The following SLC14A2 variants were observed in gnomAD, a reference collection of about 807,000 sequenced individuals.
SLC14A2 encodes the protein solute carrier family 14 member 2, also known as urea transporter 2.
SLC14A2 carries 91 observed loss-of-function variants against 104.6 expected under a neutral mutation model. The ratio of observed to expected loss-of-function variants is 0.87; its 90% confidence interval spans 0.73 to 1.04. The LOEUF (loss-of-function observed/expected upper bound fraction) is 1.04. SLC14A2 is among the 50% of genes least tolerant of loss of function. The probability of loss-of-function intolerance (pLI) is 0.00; values close to 1 mark genes in which losing one functional copy is unlikely to be tolerated. For missense variants in SLC14A2, 1,189 were observed against 1,156.0 expected (o/e 1.03, Z -0.41); for synonymous variants, 476 against 466.4 (o/e 1.02, Z -0.27).
intron 1 of SLC14A2, among the ~76,000 whole-genome samples, chr18:45,463,617 T>C (rs2612569): frequency 0.25 from 38,435 of 152,156 alleles, 4,882 homozygotes; most frequent in Non-Finnish European, 0.27. Context: ...AGTCATCTTT[T>C]TGTGTGTGTG....
intron 1 of SLC14A2, among the ~76,000 whole-genome samples, chr18:45,624,136 G>A (rs1055905714): frequency 8.5e-5 from 13 of 152,164 alleles, no homozygotes; most frequent in Admixed American, 6.5e-4. Context: ...AAGGGAAAGA[G>A]GGAAGGAGCT....
chr18:45,505,053 G>T (rs2043260256), intron 2 of SLC14A2, among the ~76,000 whole-genome samples: 1 of 152,078 alleles, frequency 6.6e-6, no homozygotes, highest in South Asian at 2.1e-4. Flanking sequence ...AAGAAAGAGA[G>T]TTAGGAAAAG....
chr18:45,348,455 T>C (rs2085470612), intron 1 of SLC14A2, among the ~76,000 whole-genome samples: 1 of 152,176 alleles, frequency 6.6e-6, no homozygotes, highest in African/African-American at 2.4e-5. Flanking sequence ...CTCAACTCCT[T>C]CACTGTAAAG....
At chr18:45,257,556 G>T (rs1357845017) in intron 1 of SLC14A2, among the ~76,000 whole-genome samples, 1 of 152,142 alleles carries the variant, frequency 6.6e-6, no homozygotes, top group African/African-American at 2.4e-5. Flanking sequence ...ATTAAAATAT[G>T]CAAGTCATGA....
Position 45,355,451 on chromosome 18 carries a change from G to A in SLC14A2, c.-124-127782G>A, listed in dbSNP as rs191073191. On this transcript the variant is annotated intron_variant, in intron 1 of 20. Transcript: ENST00000586448. ...AAATTAGCCAGGCATGGTGGTGTGT[G>A]CCTGTAATCCCAGCTACTCAGGAGG... Among the ~76,000 whole-genome samples, 324 of 151,738 alleles carry A rather than the reference G, an allele frequency of 2.1e-3. 1 individual carries two copies. The highest frequency in any genetic ancestry group is 7.6e-3 in the African/African-American group (315 of 41,338).
At chr18:45,613,557 C>T (rs1006660799), upstream of SLC14A2, among the ~76,000 whole-genome samples, 1 of 152,174 alleles carries the variant, frequency 6.6e-6, no homozygotes. Flanking sequence ...GTGATATGAA[C>T]AGTGAAGTCC....
intron 1 of SLC14A2, among the ~76,000 whole-genome samples, chr18:45,264,342 T>C (rs2084570333): frequency 6.6e-6 from 1 of 152,214 alleles, no homozygotes; most frequent in Admixed American, 6.5e-5. Context: ...TTTTCTACAA[T>C]ATATTGCTCC....
intron 11 of SLC14A2, among the ~76,000 whole-genome samples, chr18:45,664,630 C>T (rs536356003): frequency 6.6e-6 from 1 of 152,294 alleles, no homozygotes; most frequent in African/African-American, 2.4e-5. Flanking sequence ...AAAGTGACTC[C>T]CAAGTTAGTG....
chr18:45,280,992 C>T (rs909019165), intron 1 of SLC14A2, among the ~76,000 whole-genome samples: 1 of 152,132 alleles, frequency 6.6e-6, no homozygotes, highest in Non-Finnish European at 1.5e-5. Context: ...CCAGCCTCCT[C>T]CCCTCCCAAC....
chr18:45,273,678 A>T (rs1035235065), intron 1 of SLC14A2, among the ~76,000 whole-genome samples: 5 of 152,148 alleles, frequency 3.3e-5, no homozygotes, highest in African/African-American at 4.8e-5. Context: ...TAGTCTTTTT[A>T]AAAAAGCATT....
intron 2 of SLC14A2, among the ~76,000 whole-genome samples, chr18:45,542,035 G>GTTTTTTTTTTTTTTTT (rs60977948): frequency 1.5e-4 from 8 of 54,234 alleles, no homozygotes; most frequent in East Asian, 8.3e-4. Context: ...AAGAGAGAGG[G>GTTTTTTTTTTTTTTTT]TTTTTTTTTT....
chr18:45,506,434 T>C (rs1231041102), intron 2 of SLC14A2, among the ~76,000 whole-genome samples: 3 of 151,788 alleles, frequency 2.0e-5, no homozygotes, highest in Admixed American at 2.0e-4. Context: ...AAAAAAATAG[T>C]TCTACACAGA....
chr18:45,236,038 T>C (rs2084234019), intron 1 of SLC14A2, among the ~76,000 whole-genome samples: 1 of 44,674 alleles, frequency 2.2e-5, no homozygotes, highest in Non-Finnish European at 3.6e-5. Flanking sequence ...CATATATGTG[T>C]GTATATATGT....
intron 2 of SLC14A2, among the ~76,000 whole-genome samples, chr18:45,552,567 A>G (rs570940643): frequency 5.6e-4 from 85 of 152,354 alleles, no homozygotes; most frequent in African/African-American, 1.9e-3. Context: ...TGGTGGGAAA[A>G]TACAAACAAA....
chr18:45,585,206 C>A (rs2044549336), intron 2 of SLC14A2, among the ~76,000 whole-genome samples: 1 of 152,166 alleles, frequency 6.6e-6, no homozygotes, highest in Non-Finnish European at 1.5e-5. Flanking sequence ...TTGACCCTCA[C>A]ATCTCATTCA....
intron 16 of SLC14A2, among the ~76,000 whole-genome samples, chr18:45,672,224 T>C (rs2046151840): frequency 6.6e-6 from 1 of 152,128 alleles, no homozygotes; most frequent in Non-Finnish European, 1.5e-5. Context: ...TCTCATCATC[T>C]TTTTAGCTTT....
At chr18:45,414,757 A>AAAAAATATATATATATATATATAT (rs1360051908) in intron 1 of SLC14A2, among the ~76,000 whole-genome samples, 7 of 76,094 alleles carry the variant, frequency 9.2e-5, no homozygotes, top group African/African-American at 5.4e-4. Flanking sequence ...AAAAAAAAAA[A>AAAAAATATATATATATATATATAT]ATATATATAT....
chr18:45,212,938 T>C (rs9973048), upstream of SLC14A2: 1 of 152,362 alleles, frequency 6.6e-6, no homozygotes, highest in African/African-American at 2.4e-5. Context: ...GATCCAACTT[T>C]CTGCTCCATA....
chr18:45,463,683 T>G (rs1333048691), intron 1 of SLC14A2, among the ~76,000 whole-genome samples: 1 of 152,200 alleles, frequency 6.6e-6, no homozygotes, highest in African/African-American at 2.4e-5. Flanking sequence ...AGTACCACAG[T>G]GCACAGAGGT....
Sources: allele counts gnomAD v4.1 joint callset (sites outside exome capture counted in the v4.1 genomes callset), GRCh38; gene constraint gnomAD v4.1.1; transcripts MANE v1.5; gene names NCBI Gene and HGNC (gene_info 2026-07-23, HGNC 2026-07-21).